The following GRM7 variants were observed in gnomAD, a reference collection of about 807,000 sequenced individuals.
The protein encoded by GRM7 is metabotropic glutamate receptor 7.
A neutral mutation model predicts 84.5 loss-of-function variants in GRM7; 35 were observed. The observed-to-expected ratio is 0.41, with a 90% CI of 0.32 to 0.55. GRM7 has a LOEUF of 0.55. GRM7 is among the 20% of genes least tolerant of loss of function. The probability of loss-of-function intolerance (pLI) is 0.19; values close to 1 mark genes in which losing one functional copy is unlikely to be tolerated. For missense variants in GRM7, 1,003 were observed against 1,194.6 expected, an observed-to-expected ratio of 0.84 and a Z score of 2.36; for synonymous variants, 487 against 455.1, an observed-to-expected ratio of 1.07 and a Z score of -0.89.
chr3:7,437,185 T>C (rs966544893), intron 5 of GRM7, among the ~76,000 whole-genome samples: 4 of 152,206 alleles, frequency 2.6e-5, no homozygotes, highest in Admixed American at 2.0e-4. Context: ...AGCTTTTATT[T>C]CCTATTTTTA....
chr3:7,734,210 A>C (rs1702424057), intron 9 of GRM7, among the ~76,000 whole-genome samples: 2 of 119,204 alleles, frequency 1.7e-5, no homozygotes, highest in East Asian at 6.0e-4. Context: ...TCCCTTATTC[A>C]CCATTAGGAA....
chr3:7,124,110 C>T (rs960098548), intron 1 of GRM7, among the ~76,000 whole-genome samples: 1 of 152,112 alleles, frequency 6.6e-6, no homozygotes, highest in African/African-American at 2.4e-5. Flanking sequence ...TTTGATGGAA[C>T]TGTAACTGGT....
intron 1 of GRM7, among the ~76,000 whole-genome samples, chr3:7,082,268 C>T (rs966148397): frequency 6.6e-6 from 1 of 152,052 alleles, no homozygotes; most frequent in African/African-American, 2.4e-5. Flanking sequence ...TGCTCATTTA[C>T]CATTTTGAAA....
At chr3:7,156,609 C>A (rs1694457771) in intron 2 of GRM7, among the ~76,000 whole-genome samples, 1 of 152,212 alleles carries the variant, frequency 6.6e-6, no homozygotes, top group Non-Finnish European at 1.5e-5. Context: ...AACATAAAAA[C>A]TTGTTTACAG....
intron 1 of GRM7, among the ~76,000 whole-genome samples, chr3:6,897,884 G>GA (rs1696241784): frequency 6.6e-6 from 1 of 152,194 alleles, no homozygotes; most frequent in Non-Finnish European, 1.5e-5. Context: ...GGAAGGAGAA[G>GA]AAAGGCACTG....
chr3:7,351,554 T>A (rs1292844519), intron 4 of GRM7, among the ~76,000 whole-genome samples: 2 of 151,814 alleles, frequency 1.3e-5, no homozygotes, highest in Admixed American at 6.6e-5. Flanking sequence ...CCAGAGGAGA[T>A]TGACTTATGA....
chr3:7,620,656 G>T (rs1697315104), intron 8 of GRM7, among the ~76,000 whole-genome samples: 1 of 152,112 alleles, frequency 6.6e-6, no homozygotes, highest in African/African-American at 2.4e-5. Context: ...TTTCCAAAAT[G>T]ACTTTTATAT....
chr3:7,736,938 G>A (rs1160636120), intron 9 of GRM7, among the ~76,000 whole-genome samples: 1 of 152,042 alleles, frequency 6.6e-6, no homozygotes, highest in Non-Finnish European at 1.5e-5. Context: ...AAAATATAAA[G>A]AAATTAAATA....
At chr3:7,501,426 T>A (rs1372793289) in intron 7 of GRM7, among the ~76,000 whole-genome samples, 1 of 152,226 alleles carries the variant, frequency 6.6e-6, no homozygotes, top group Non-Finnish European at 1.5e-5. Context: ...TGATTAAGGC[T>A]GCCATTTATT....
chr3:7,107,661 G>A lies in GRM7; in HGVS notation c.520-38791G>A, dbSNP rs182041407. 1.1e-3 allele frequency among the ~76,000 whole-genome samples: 174 copies of A among 152,114 alleles called. 1 individual carries two copies. Among genetic ancestry groups the A allele is most frequent in the African/African-American group, 4.0e-3 (168 of 41,526 alleles). On this transcript the variant is annotated intron_variant, in intron 1 of 9. Transcript: ENST00000357716. ...AGAGATACCTGTAAAATTAGTTGCC[G>A]GTAAAGTTTAGTTCATAATGTACTT...
chr3:7,489,938 C>G (rs1196781176), intron 7 of GRM7, among the ~76,000 whole-genome samples: 1 of 151,514 alleles, frequency 6.6e-6, no homozygotes, highest in Non-Finnish European at 1.5e-5. Flanking sequence ...GAGCATAACA[C>G]TATATACTCC....
At chr3:7,738,002 C>A (rs908200524) in intron 9 of GRM7, among the ~76,000 whole-genome samples, 3 of 152,076 alleles carry the variant, frequency 2.0e-5, no homozygotes, top group Non-Finnish European at 4.4e-5. Context: ...CGCCCGCCAC[C>A]ACGCCTGGCT....
chr3:7,019,108 G>A lies in GRM7; in HGVS notation c.520-127344G>A, dbSNP rs552675755. Among the ~76,000 whole-genome samples, 104 of 152,292 alleles carry A rather than the reference G, an allele frequency of 6.8e-4. 1 individual carries two copies. The highest frequency in any genetic ancestry group is 2.3e-3 in the African/African-American group (95 of 41,562). The stretch of plus-strand genomic sequence containing the variant: ...GGAAGACTCCATCTCAGAAAAAAAT[G>A]AATAAGTTTTGTGAATTTAAAGTTT... On this transcript the variant is annotated intron_variant, in intron 1 of 9. Coordinates refer to ENST00000357716, the MANE Select transcript of GRM7 (RefSeq NM_000844.4).
chr3:7,062,175 T>A (rs536315369), intron 1 of GRM7, among the ~76,000 whole-genome samples: 9 of 151,744 alleles, frequency 5.9e-5, no homozygotes, highest in Non-Finnish European at 1.2e-4. Flanking sequence ...ATGGTAAGCA[T>A]TAAGCATCTT....
rs940059565 is a variant in GRM7 at position 7,664,578 on chromosome 3, G to T, written c.2452-15471G>T. 4.6e-5 allele frequency among the ~76,000 whole-genome samples: 7 copies of T among 152,220 alleles called. No homozygotes were observed. In the South Asian group the frequency reaches 1.5e-3, roughly 32 times the overall value. On this transcript the variant is annotated intron_variant, in intron 8 of 9. Coordinates refer to ENST00000357716, the MANE Select transcript of GRM7 (RefSeq NM_000844.4). ...CAGAACGTGCAGGTGTGTTACATAG[G>T]TATACACGTGCAATGGTGGTTTACT...
intron 1 of GRM7, among the ~76,000 whole-genome samples, chr3:6,994,215 G>C (rs1018588628): frequency 6.6e-6 from 1 of 152,148 alleles, no homozygotes; most frequent in African/African-American, 2.4e-5. Flanking sequence ...ACAGAGAAAG[G>C]TTGTTGGATT....
intron 7 of GRM7, among the ~76,000 whole-genome samples, chr3:7,472,287 A>G (rs886863243): frequency 2.0e-5 from 3 of 152,204 alleles, no homozygotes; most frequent in Non-Finnish European, 4.4e-5. Flanking sequence ...ATATTCCTCT[A>G]TAGAAACATA....
At chr3:7,546,780 C>T (rs779699638) in intron 7 of GRM7, among the ~76,000 whole-genome samples, 40 of 152,072 alleles carry the variant, frequency 2.6e-4, no homozygotes, top group Non-Finnish European at 5.4e-4. Context: ...ACAATAAGAG[C>T]ATTTGTTTTG....
chr3:7,641,773 A>G (rs1007056699), intron 8 of GRM7, among the ~76,000 whole-genome samples: 1 of 152,222 alleles, frequency 6.6e-6, no homozygotes, highest in African/African-American at 2.4e-5. Context: ...AAACAAAAAC[A>G]GGGACAATAC....
Sources: allele counts gnomAD v4.1 joint callset (sites outside exome capture counted in the v4.1 genomes callset), GRCh38; gene constraint gnomAD v4.1.1; transcripts MANE v1.5; gene names NCBI Gene and HGNC (gene_info 2026-07-23, HGNC 2026-07-21).